Variants in SLC35F3 observed in about 807,000 individuals in gnomAD.
SLC35F3 encodes solute carrier family 35 member F3.
A neutral mutation model predicts 49.9 loss-of-function variants in SLC35F3; 25 were observed. The ratio of observed to expected loss-of-function variants is 0.50; its 90% CI spans 0.37 to 0.70. The LOEUF (loss-of-function observed/expected upper bound fraction) is 0.70, where lower values mean the gene tolerates loss of function less well. SLC35F3 is among the 30% of genes least tolerant of loss of function. The pLI, the probability that SLC35F3 is intolerant of heterozygous loss-of-function variation, is 0.00. For synonymous variants in SLC35F3, 275 were observed against 265.4 expected (o/e 1.04, Z -0.35); for missense variants, 525 against 639.8 (o/e 0.82, Z 1.94).
Position 234,322,930 on chromosome 1 carries a change from CCCCCAGGCCCTGCCCACT to C in SLC35F3, c.1238-76_1238-59del, listed in dbSNP as rs1267660633. ...CAACACTGCCAGACAGAGGAGGGTG[CCCCCAGGCCCTGCCCACT>C]CTCCAGGGACATGCCCCCAACCCTG... On this transcript the variant is annotated intron_variant, in intron 7 of 7. Transcript: ENST00000366618. 2.4e-5 allele frequency: 28 copies of C among 1,182,710 alleles called. No homozygotes were observed. In the Admixed American group the frequency reaches 5.3e-4, roughly 22 times the overall value. The allele number at this position is 1,182,710 out of a possible 1,614,324, so 73.3% of individuals were successfully genotyped here. A position where few individuals can be genotyped will look rare whatever the true frequency, so the allele number is the denominator to read the frequency against.
At chr1:233,972,621 C>G (rs1436572635) in intron 2 of SLC35F3, among the ~76,000 whole-genome samples, 1 of 152,018 alleles carries the variant, frequency 6.6e-6, no homozygotes, top group African/African-American at 2.4e-5. Context: ...TGGCACATGG[C>G]GAGCCTGGTA....
At chr1:234,277,975 C>A (rs1013562779) in intron 3 of SLC35F3, among the ~76,000 whole-genome samples, 3 of 152,172 alleles carry the variant, frequency 2.0e-5, no homozygotes, top group African/African-American at 7.2e-5. Context: ...GGGAAGATGG[C>A]TTAAGCCAAG....
At chr1:233,997,571 C>G (rs988230011) in intron 2 of SLC35F3, among the ~76,000 whole-genome samples, 18 of 152,226 alleles carry the variant, frequency 1.2e-4, no homozygotes, top group Non-Finnish European at 4.4e-5. Flanking sequence ...TCAGATCCCA[C>G]TTTCAGCCTT....
chr1:233,905,088 G>A lies in SLC35F3; in HGVS notation c.11G>A (p.Arg4Gln), dbSNP rs1033407677. The A allele has an allele frequency of 6.4e-7, 1 of 1,564,598 alleles. No homozygotes were observed. Among genetic ancestry groups the A allele is most frequent in the Non-Finnish European group, 8.7e-7 (1 of 1,153,280 alleles). MGIREFPSGAPRGK... is the reference protein window; with the variant it reads MGIQEFPSGAPRGK... The stretch of plus-strand genomic sequence containing the variant: ...ACTCTGTCTTTGCCTATGGGGATTC[G>A]AGAGTTTCCCAGCGGCGCACCCAGG... Residue 4 changes from arginine to glutamine, a missense_variant, in exon 1 of 8, where the codon CGA becomes CAA. Coordinates refer to ENST00000366618, the MANE Select transcript of SLC35F3 (RefSeq NM_173508.4).
At chr1:233,909,552 C>G (rs12146027) in intron 2 of SLC35F3, among the ~76,000 whole-genome samples, 46,739 of 152,160 alleles carry the variant, frequency 0.31, 7,474 homozygotes, top group Non-Finnish European at 0.35. Context: ...AATTGCTCTA[C>G]TCTTTCCTAG....
In SLC35F3 at chr1:234,217,857, T is replaced by C. The variant is rs868384290; in HGVS notation, c.284-13560T>C. On this transcript the variant is annotated intron_variant, in intron 2 of 7. Transcript: ENST00000366618. ...AGGAGATATTCCTGAGGAACAGGCC[T>C]TTCTAAGATGGAGCCATTCTAAGGA... 7.3e-5 allele frequency among the ~76,000 whole-genome samples: 11 copies of C among 149,870 alleles called. 1 individual carries two copies. The highest frequency in any genetic ancestry group is 3.7e-3 in the Middle Eastern group (1 of 268).
intron 2 of SLC35F3, among the ~76,000 whole-genome samples, chr1:233,936,531 CCTT>C (rs1662331504): frequency 1.5e-5 from 2 of 133,324 alleles, no homozygotes; most frequent in Admixed American, 7.4e-5. Flanking sequence ...TCCTCCTCCT[CCTT>C]CTTCCTCCTC....
intron 2 of SLC35F3, among the ~76,000 whole-genome samples, chr1:234,090,103 T>C (rs969882941): frequency 6.6e-6 from 1 of 152,282 alleles, no homozygotes; most frequent in Non-Finnish European, 1.5e-5. Flanking sequence ...AATTTGGCAA[T>C]GTGCTGTCAA....
intron 2 of SLC35F3, among the ~76,000 whole-genome samples, chr1:234,013,770 A>G (rs1177865342): frequency 6.6e-6 from 1 of 152,016 alleles, no homozygotes; most frequent in Non-Finnish European, 1.5e-5. Flanking sequence ...TACAATTACC[A>G]AGACGGAATT....
intron 2 of SLC35F3, among the ~76,000 whole-genome samples, chr1:234,012,257 T>C (rs1386275117): frequency 3.3e-5 from 5 of 152,350 alleles, no homozygotes; most frequent in Admixed American, 6.5e-5. Flanking sequence ...TATCTCAGAA[T>C]TGAACAAATG....
At position 234,309,166 on chromosome 1, in the gene SLC35F3, C is replaced by G; in HGVS notation, c.674C>G (p.Pro225Arg). 1 of 1,614,128 alleles carries G rather than the reference C, an allele frequency of 6.2e-7. No individual in the cohort carries two copies. Among genetic ancestry groups the G allele is most frequent in the Non-Finnish European group, 8.5e-7 (1 of 1,180,030 alleles). ...TLKVFFTKAAPFGVLWTLTNY... is the reference protein window; with the variant it reads ...TLKVFFTKAARFGVLWTLTNY... Reference sequence around the variant, plus strand: ...AAGGTGTTTTTTACCAAGGCAGCACCCTTTGGTGTTCTTTGGACACTCACA... The same window carrying G: ...AAGGTGTTTTTTACCAAGGCAGCACGCTTTGGTGTTCTTTGGACACTCACA... The change falls in exon 4 of 8, where the codon CCC (proline) becomes CGC (arginine). Residue 225 changes from proline to arginine, a missense_variant. By Grantham distance (103) the Pro-to-Arg change is moderately radical. Around this residue, in one of 4 missense-constraint regions of SLC35F3, gnomAD observed 216 missense variants for 298.1 expected, o/e 0.72. Transcript: ENST00000366618.
At chr1:233,940,410 A>T (rs1662401440) in intron 2 of SLC35F3, among the ~76,000 whole-genome samples, 1 of 151,858 alleles carries the variant, frequency 6.6e-6, no homozygotes, top group Admixed American at 6.6e-5. Context: ...GAATAAAACA[A>T]TTGAAGTGGT....
chr1:233,977,615 T>C (rs1346980525), intron 2 of SLC35F3, among the ~76,000 whole-genome samples: 1 of 152,202 alleles, frequency 6.6e-6, no homozygotes, highest in Non-Finnish European at 1.5e-5. Flanking sequence ...TTTTAAGTAT[T>C]GTTGCTATGT....
At chr1:233,943,460 A>G (rs1662463545) in intron 2 of SLC35F3, among the ~76,000 whole-genome samples, 1 of 152,230 alleles carries the variant, frequency 6.6e-6, no homozygotes. Context: ...ATCATGTTCC[A>G]GTTATTACAT....
At chr1:234,236,979 G>A (rs1227205852) in intron 3 of SLC35F3, among the ~76,000 whole-genome samples, 2 of 129,988 alleles carry the variant, frequency 1.5e-5, no homozygotes, top group East Asian at 2.5e-4. Flanking sequence ...GAAATGGGGC[G>A]AGAGCTGAGG....
chr1:233,986,472 A>G (rs1487024475), intron 2 of SLC35F3, among the ~76,000 whole-genome samples: 1 of 152,226 alleles, frequency 6.6e-6, no homozygotes, highest in African/African-American at 2.4e-5. Context: ...ATCAACATCT[A>G]GACAGTTTAT....
At chr1:233,950,578 T>G (rs549917587) in intron 2 of SLC35F3, among the ~76,000 whole-genome samples, 5 of 149,278 alleles carry the variant, frequency 3.3e-5, no homozygotes, top group African/African-American at 1.2e-4. Context: ...GCTTCTTTCC[T>G]TCGTACCTCC....
intron 2 of SLC35F3, among the ~76,000 whole-genome samples, chr1:234,063,866 C>T (rs966957416): frequency 3.3e-5 from 5 of 152,172 alleles, no homozygotes; most frequent in African/African-American, 1.2e-4. Context: ...TAGAACTTGG[C>T]CTCATCAACA....
At chr1:234,083,615 G>C (rs1664915470) in intron 2 of SLC35F3, among the ~76,000 whole-genome samples, 1 of 152,164 alleles carries the variant, frequency 6.6e-6, no homozygotes, top group African/African-American at 2.4e-5. Context: ...CGGGGCTGCT[G>C]TCAGATCTCC....
Sources: allele counts gnomAD v4.1 joint callset (sites outside exome capture counted in the v4.1 genomes callset), GRCh38; gene constraint gnomAD v4.1.1; regional missense constraint gnomAD v4.1.1; transcripts MANE v1.5; gene names NCBI Gene and HGNC (gene_info 2026-07-23, HGNC 2026-07-21).